COL11A1: variants seen among roughly 807,000 people sequenced by gnomAD.
The protein encoded by COL11A1 is collagen type XI alpha 1 chain, also known as collagen alpha-1(XI) chain.
In COL11A1, 74 loss-of-function variants were observed where a neutral mutation model predicts 265.2. The ratio of observed to expected loss-of-function variants is 0.28; its 90% CI spans 0.23 to 0.34. COL11A1 has a LOEUF of 0.34. Ranked by LOEUF, COL11A1 falls within the 10% of genes least tolerant of loss-of-function variation. The pLI is 1.00. For synonymous variants in COL11A1, 816 were observed against 727.6 expected (o/e 1.12, Z -1.96); for missense variants, 2,165 against 2,263.6 (o/e 0.96, Z 0.88).
Position 102,989,589 on chromosome 1 carries a change from G to T in COL11A1, c.2341-18C>A. On this transcript the variant is annotated intron_variant, in intron 28 of 66. Coordinates refer to ENST00000370096, the MANE Select transcript of COL11A1 (RefSeq NM_001854.4). Reference sequence around the variant, plus strand: ...TCTTCACCCTAAAACATTATAAAAGGAATTAAATAGGAGTTTAATCAGTCC... The same window carrying T: ...TCTTCACCCTAAAACATTATAAAAGTAATTAAATAGGAGTTTAATCAGTCC... 3 of 1,582,794 alleles carry T rather than the reference G, an allele frequency of 1.9e-6. No individual in the cohort carries two copies. The South Asian group carries it at 3.3e-5, about 18-fold the overall frequency.
intron 4 of COL11A1, among the ~76,000 whole-genome samples, chr1:103,037,500 A>G (rs941458410): frequency 6.6e-6 from 1 of 152,128 alleles, no homozygotes; most frequent in Non-Finnish European, 1.5e-5. Context: ...GAGCAATGAA[A>G]AACCAGCCTG....
chr1:102,940,297 G>A (rs1330757416), intron 43 of COL11A1, 30 bp downstream of exon 43: 3 of 1,540,562 alleles, frequency 1.9e-6, no homozygotes, highest in Non-Finnish European at 2.7e-6. Flanking sequence ...TTTTTCACAG[G>A]ATCTACTAAC....
At chr1:103,056,268 G>A (rs1219387738) in intron 4 of COL11A1, among the ~76,000 whole-genome samples, 1 of 152,064 alleles carries the variant, frequency 6.6e-6, no homozygotes, top group Non-Finnish European at 1.5e-5. Context: ...ATTTTTGTAT[G>A]AACCATAAAA....
At chr1:103,080,973 T>C (rs1443590707) in intron 2 of COL11A1, among the ~76,000 whole-genome samples, 1 of 151,800 alleles carries the variant, frequency 6.6e-6, no homozygotes. Flanking sequence ...TAATAGCCAA[T>C]ATATGGAATC....
At chr1:102,902,715 ACTTT>A (rs982123159) in intron 54 of COL11A1, among the ~76,000 whole-genome samples, 5 of 151,682 alleles carry the variant, frequency 3.3e-5, no homozygotes, top group African/African-American at 9.7e-5. Context: ...ATTACAATGT[ACTTT>A]CTATCTATAC....
intron 28 of COL11A1, among the ~76,000 whole-genome samples, chr1:102,994,497 T>C (rs1557917841): frequency 6.6e-6 from 1 of 152,100 alleles, no homozygotes; most frequent in Non-Finnish European, 1.5e-5. Context: ...CCCTGAGGCC[T>C]TCCAAGAAGC....
rs1024007695 is a variant in COL11A1 at position 103,050,476 on chromosome 1, A to G, written c.652-19232T>C. On this transcript the variant is annotated intron_variant, in intron 4 of 66. Transcript: ENST00000370096. ...TCAGGTCCTTTAAGGACTTCTCTGCATTGGTTATTCTAGTTATCCATTCGT... is the reference window on the plus strand; with the variant it reads ...TCAGGTCCTTTAAGGACTTCTCTGCGTTGGTTATTCTAGTTATCCATTCGT... 5.3e-5 allele frequency among the ~76,000 whole-genome samples: 8 copies of G among 151,900 alleles called. No individual in the cohort carries two copies. The East Asian group carries it at 9.7e-4, about 18-fold the overall frequency.
chr1:103,043,233 T>C lies in COL11A1; in HGVS notation c.652-11989A>G, dbSNP rs1032005227. Among the ~76,000 whole-genome samples, 236 of 145,854 alleles carry C rather than the reference T, an allele frequency of 1.6e-3. 10 individuals carry two copies. The highest frequency in any genetic ancestry group is 6.4e-4 in the Non-Finnish European group (43 of 67,234). ...ATATGAAATATATATATAATGTATA[T>C]ATGAAATACATCATATATATGAAAT... is the stretch of plus-strand genomic sequence containing the variant. On this transcript the variant is annotated intron_variant, in intron 4 of 66. Coordinates refer to ENST00000370096, the MANE Select transcript of COL11A1 (RefSeq NM_001854.4).
chr1:102,960,223 G>GT (rs1244353998), intron 41 of COL11A1, among the ~76,000 whole-genome samples: 3 of 152,064 alleles, frequency 2.0e-5, no homozygotes, highest in Non-Finnish European at 4.4e-5. Flanking sequence ...GAAGTAAAGA[G>GT]TAAGTATCAT....
At chr1:102,900,549 C>T (rs1280446411) in intron 54 of COL11A1, among the ~76,000 whole-genome samples, 7 of 151,924 alleles carry the variant, frequency 4.6e-5, no homozygotes, top group African/African-American at 1.7e-4. Flanking sequence ...GATATGTGGG[C>T]TTAACCTGAA....
At position 103,108,386 on chromosome 1, in the gene COL11A1, C is replaced by T. The variant is rs925814137; in HGVS notation, c.-208G>A. ...CCTTTCCTCTCCCTCTGAGTTGGCCCCACCGGCCGGGACCCTCCGGCCGCG... is the reference window on the plus strand; with the variant it reads ...CCTTTCCTCTCCCTCTGAGTTGGCCTCACCGGCCGGGACCCTCCGGCCGCG... On this transcript the variant is annotated 5_prime_UTR_variant, in exon 1 of 67. Coordinates refer to ENST00000370096, the MANE Select transcript of COL11A1 (RefSeq NM_001854.4). 2 of 627,250 alleles carry T rather than the reference C, an allele frequency of 3.2e-6. No individual in the cohort carries two copies. The highest frequency in any genetic ancestry group is 5.7e-6 in the Non-Finnish European group (2 of 348,760). The allele number at this position is 627,250 out of a possible 1,614,324, so 38.9% of individuals were successfully genotyped here.
chr1:103,063,182 C>A (rs1418335342), intron 4 of COL11A1, among the ~76,000 whole-genome samples: 1 of 151,980 alleles, frequency 6.6e-6, no homozygotes, highest in East Asian at 1.9e-4. Context: ...ATTAATTTCC[C>A]AGCATGTTAT....
chr1:102,946,849 A>G lies in COL11A1; in HGVS notation c.3276T>C (p.Pro1092=), dbSNP rs1283240056. Residue 1092 remains proline (P), a splice_region_variant and synonymous_variant, in exon 42 of 67, where the codon CCT becomes CCC. Transcript: ENST00000370096. ...PPGPAGEKGA[P]GEKGPQGPAG... is the part of the protein sequence containing the mutation. ...ATATTTTCTCCTAGACATTACTTAC[A>G]GGAGCACCTTTCTCTCCAGCTGGAC... The G allele has an allele frequency of 6.2e-7, 1 of 1,612,018 alleles. No individual in the cohort carries two copies. The highest frequency in any genetic ancestry group is 1.1e-5 in the South Asian group (1 of 90,844).
chr1:103,082,300 G>T (rs1558036081), intron 2 of COL11A1, among the ~76,000 whole-genome samples: 1 of 151,840 alleles, frequency 6.6e-6, no homozygotes. Flanking sequence ...AAAATTATTT[G>T]CAAAGAAAAA....
chr1:102,986,262 AG>A (rs1391723793), intron 30 of COL11A1, among the ~76,000 whole-genome samples: 1 of 151,918 alleles, frequency 6.6e-6, no homozygotes, highest in Non-Finnish European at 1.5e-5. Flanking sequence ...TGTCCTTTGT[AG>A]GGACATGGAT....
intron 4 of COL11A1, among the ~76,000 whole-genome samples, chr1:103,039,262 G>A (rs747809437): frequency 5.9e-5 from 9 of 152,182 alleles, no homozygotes; most frequent in South Asian, 2.1e-4. Flanking sequence ...ATGACAGTCC[G>A]TACTTCTTTC....
intron 4 of COL11A1, among the ~76,000 whole-genome samples, chr1:103,066,278 ATTAT>A (rs1451394093): frequency 6.6e-6 from 1 of 151,974 alleles, no homozygotes; most frequent in Non-Finnish European, 1.5e-5. Context: ...AAAATATACG[ATTAT>A]TTAAAGCAAA....
At chr1:103,008,964 A>T (rs1194208146) in intron 14 of COL11A1, among the ~76,000 whole-genome samples, 1 of 152,088 alleles carries the variant, frequency 6.6e-6, no homozygotes, top group Non-Finnish European at 1.5e-5. Context: ...ATTTTTTTAG[A>T]CTCTGAATTG....
intron 46 of COL11A1, among the ~76,000 whole-genome samples, chr1:102,924,284 T>G (rs1478237549): frequency 6.6e-6 from 1 of 152,148 alleles, no homozygotes; most frequent in South Asian, 2.1e-4. Flanking sequence ...TAACTGATAT[T>G]TAGGAAAAGC....
Sources: gnomAD v4.1 joint callset for allele counts (sites outside exome capture counted in the v4.1 genomes callset) on GRCh38, gnomAD v4.1.1 for gene constraint, MANE v1.5 for transcripts, NCBI Gene and HGNC (gene_info 2026-07-23, HGNC 2026-07-21) for gene names.